SHPRH: variants seen among roughly 807,000 people sequenced by gnomAD.
SHPRH encodes SNF2 histone linker PHD RING helicase, also known as E3 ubiquitin-protein ligase SHPRH.
Under a neutral mutation model 202.5 loss-of-function variants are expected in SHPRH, and 106 were observed. That is an observed-to-expected ratio of 0.52 (90% CI 0.45 to 0.62). SHPRH has a LOEUF of 0.62. SHPRH is among the 20% of genes least tolerant of loss of function. The pLI is 0.00. For synonymous variants in SHPRH, 729 were observed against 686.0 expected (o/e 1.06, Z -0.98); for missense variants, 1,710 against 2,020.0 (o/e 0.85, Z 2.94).
intron 1 of SHPRH, among the ~76,000 whole-genome samples, chr6:145,962,990 T>C (rs1789254213): frequency 6.6e-6 from 1 of 152,234 alleles, no homozygotes; most frequent in African/African-American, 2.4e-5. Flanking sequence ...CTCTTAATAA[T>C]AAAAGTTTTG....
chr6:145,880,788 C>T (rs573068618), downstream of SHPRH, among the ~76,000 whole-genome samples: 220 of 151,914 alleles, frequency 1.4e-3, no homozygotes, highest in African/African-American at 4.5e-3. Context: ...AGAAAATATA[C>T]TTTTTTGGTT....
intron 5 of SHPRH, 146 bp from the exon 6 acceptor site, chr6:145,947,789 C>T: frequency 8.2e-6 from 9 of 1,097,598 alleles, no homozygotes; most frequent in Non-Finnish European, 1.1e-5. Context: ...CAATTCAAAC[C>T]TTAGATTACA....
downstream of SHPRH, among the ~76,000 whole-genome samples, chr6:145,859,744 C>A (rs1187189592): frequency 6.6e-6 from 1 of 151,986 alleles, no homozygotes; most frequent in East Asian, 1.9e-4. Flanking sequence ...GCTGTTGTAA[C>A]AATACCCAAG....
In SHPRH at chr6:145,954,920, C is replaced by T. The variant is rs371743858; in HGVS notation, c.403G>A (p.Glu135Lys). The change falls in exon 2 of 30, where the codon GAA becomes AAA. Residue 135 changes from glutamate (E) to lysine (K), a missense_variant. By Grantham distance (56) the Glu-to-Lys change is moderately conservative. This residue lies in a region of SHPRH where 459 missense variants were observed against 426.5 expected (regional missense o/e 1.08). Transcript: ENST00000275233. ...GAACTCATCAATGTAATACTCCTTT[C>T]GGAAAAATTTTCAATTAAACTCTGT... ...PAQSLIENFS[E>K]RSITLMSSES... 44 of 1,613,538 alleles carry T rather than the reference C, an allele frequency of 2.7e-5. No homozygotes were observed. The highest frequency in any genetic ancestry group is 1.3e-4 in the African/African-American group (10 of 74,870).
At chr6:145,951,808 G>A (rs1186959400) in intron 3 of SHPRH, 2 of 455,908 alleles carry the variant, frequency 4.4e-6, no homozygotes, top group South Asian at 1.5e-5. Context: ...AGAACTTGGA[G>A]AATTTGGGCT....
rs746043535 is a variant in SHPRH at position 145,947,600 on chromosome 6, C to T, written c.1105G>A (p.Gly369Arg). The T allele has an allele frequency of 6.2e-7, 1 of 1,612,768 alleles. No individual in the cohort carries two copies. The highest frequency in any genetic ancestry group is 8.5e-7 in the Non-Finnish European group (1 of 1,179,242). The change falls in exon 6 of 30, where the codon GGA (glycine) becomes AGA (arginine). Residue 369 changes from glycine (G) to arginine (R), a missense_variant. Coordinates refer to ENST00000275233, the MANE Select transcript of SHPRH (RefSeq NM_001042683.3). ...YPNSGPQLLG[G>R]ILADEMGLGK... is the part of the protein sequence containing the mutation. ...AGACCCATCTCATCTGCTAAAATTCCACCAAGCAACTGCGGCCCAGAATTT... is the reference window on the plus strand; with the variant it reads ...AGACCCATCTCATCTGCTAAAATTCTACCAAGCAACTGCGGCCCAGAATTT...
chr6:145,864,384 T>C, exon 3 of SHPRH: 1 of 426,264 alleles, frequency 2.3e-6, no homozygotes, highest in Non-Finnish European at 4.9e-6. Context: ...AAAAAACAAC[T>C]CACAAATCAC....
chr6:145,862,857 C>G (rs1476819479), downstream of SHPRH: 1 of 152,208 alleles, frequency 6.6e-6, no homozygotes, highest in Non-Finnish European at 1.5e-5. Flanking sequence ...AAAACCCTCT[C>G]ACATGCAAGG....
At chr6:145,859,319 A>ACACT (rs1323050519), downstream of SHPRH, among the ~76,000 whole-genome samples, 13 of 152,076 alleles carry the variant, frequency 8.5e-5, no homozygotes, top group African/African-American at 2.7e-4. Flanking sequence ...TATTTATTTT[A>ACACT]GAAAGTGTTA....
chr6:145,893,068 TATAAA>T, intron 28 of SHPRH, 142 bp downstream of exon 28: 1 of 499,906 alleles, frequency 2.0e-6, no homozygotes, highest in Non-Finnish European at 3.0e-6. Flanking sequence ...ATAAATAAGT[TATAAA>T]ATAAATAATT....
chr6:145,938,855 G>A (rs754509586), intron 11 of SHPRH, among the ~76,000 whole-genome samples: 75 of 152,158 alleles, frequency 4.9e-4, no homozygotes, highest in Non-Finnish European at 6.0e-4. Flanking sequence ...GGTGTGGCGG[G>A]TGGAAGGAGT....
rs78511550 is a variant in SHPRH, at chr6:145,957,047, T to C, written c.-32-1693A>G. ...CAGTAGTGGTGTAAAGACCAACATA[T>C]AGATCAAGGGAAATGTCCTGTAGTG... is the stretch of plus-strand genomic sequence containing the variant. On this transcript the variant is annotated intron_variant, in intron 1 of 29. Transcript: ENST00000275233. Among the ~76,000 whole-genome samples the C allele has an allele frequency of 3.4e-3, 520 of 152,176 alleles. 2 individuals are homozygous for C. Among genetic ancestry groups the C allele is most frequent in the Non-Finnish European group, 5.8e-3 (395 of 67,948 alleles).
At chr6:145,933,266 T>A in intron 13 of SHPRH, 88 bp from the exon 14 acceptor site, 1 of 1,543,444 alleles carries the variant, frequency 6.5e-7, no homozygotes, top group Non-Finnish European at 8.8e-7. Flanking sequence ...TGATCAAGAG[T>A]GTATGAGACT....
chr6:145,938,130 A>G (rs1786318246), intron 11 of SHPRH, among the ~76,000 whole-genome samples: 1 of 152,200 alleles, frequency 6.6e-6, no homozygotes, highest in Admixed American at 6.5e-5. Context: ...TCCAGTGAAT[A>G]ATATTAGGAG....
intron 25 of SHPRH, chr6:145,907,847 G>C (rs1583356151): frequency 6.6e-6 from 1 of 152,096 alleles, no homozygotes. Context: ...ATGCAGGCTT[G>C]TTACACAGGT....
At chr6:145,863,755 T>A (rs192868763), downstream of SHPRH, among the ~76,000 whole-genome samples, 1 of 152,262 alleles carries the variant, frequency 6.6e-6, no homozygotes, top group African/African-American at 2.4e-5. Context: ...GGAAGAGACA[T>A]GATCAAAGTG....
At chr6:145,918,332 TA>T (rs900792375) in intron 22 of SHPRH, 100 bp from the exon 23 acceptor site, 14 of 738,384 alleles carry the variant, frequency 1.9e-5, no homozygotes, top group Admixed American at 4.0e-5. Context: ...GTATTGTTTT[TA>T]AAAAAAACCT....
chr6:145,907,708 G>C (rs948014826), intron 25 of SHPRH: 3 of 151,884 alleles, frequency 2.0e-5, no homozygotes, highest in African/African-American at 7.3e-5. Context: ...TCCTCAGGCT[G>C]ACTAATTCAT....
intron 22 of SHPRH, 116 bp downstream of exon 22, chr6:145,919,232 G>A: frequency 7.3e-7 from 1 of 1,371,608 alleles, no homozygotes; most frequent in Non-Finnish European, 9.8e-7. Context: ...TAAAAATGGA[G>A]ATTAAATACA....
Sources: allele counts gnomAD v4.1 joint callset (sites outside exome capture counted in the v4.1 genomes callset), GRCh38; gene constraint gnomAD v4.1.1; regional missense constraint gnomAD v4.1.1; transcripts MANE v1.5; gene names NCBI Gene and HGNC (gene_info 2026-07-23, HGNC 2026-07-21).